The following LINGO2 variants were observed in gnomAD, a reference collection of about 807,000 sequenced individuals.
LINGO2 encodes leucine-rich repeat and immunoglobulin-like domain-containing nogo receptor-interacting protein 2.
Under a neutral mutation model 30.6 loss-of-function variants are expected in LINGO2, and 14 were observed. That is an observed-to-expected ratio of 0.46 (90% CI 0.30 to 0.72). LINGO2 has a LOEUF of 0.72. Ranked by LOEUF, LINGO2 falls within the 30% of genes least tolerant of loss-of-function variation. The pLI, the probability that LINGO2 is intolerant of heterozygous loss-of-function variation, is 0.07. For synonymous variants in LINGO2, 317 were observed against 288.5 expected, an observed-to-expected ratio of 1.10 and a Z score of -1.00; for missense variants, 729 against 751.7, an observed-to-expected ratio of 0.97 and a Z score of 0.35.
rs117293300 is a variant in LINGO2, at chr9:28,286,777, T to C, written c.-87+8431A>G. Among the ~76,000 whole-genome samples the C allele has an allele frequency of 0.016, 2,379 of 151,984 alleles. 142 individuals are homozygous for C. In the East Asian group the frequency reaches 0.19, roughly 12 times the overall value. On this transcript the variant is annotated intron_variant, in intron 4 of 5. Transcript: ENST00000379992. Reference sequence around the variant, plus strand: ...TAAATAATGAGAACAAATGGTCACATAGAGGGAAACAACACATAATGGGGC... The same window carrying C: ...TAAATAATGAGAACAAATGGTCACACAGAGGGAAACAACACATAATGGGGC...
the LINGO2 span, among the ~76,000 whole-genome samples, chr9:29,129,027 T>G: frequency 1.3e-5 from 2 of 152,184 alleles, no homozygotes; most frequent in Non-Finnish European, 2.9e-5. Flanking sequence ...GTTTAATATT[T>G]GCCTTTGCTA....
the LINGO2 span, among the ~76,000 whole-genome samples, chr9:28,968,415 G>C: frequency 6.6e-6 from 1 of 152,120 alleles, no homozygotes; most frequent in Admixed American, 6.6e-5. Context: ...TAAATTGCAA[G>C]CAAGGTTTCT....
intron 4 of LINGO2, among the ~76,000 whole-genome samples, chr9:28,276,002 G>T (rs1823102597): frequency 6.6e-6 from 1 of 152,064 alleles, no homozygotes; most frequent in South Asian, 2.1e-4. Context: ...ACCTCTCTGA[G>T]CTTTAATTTT....
chr9:28,062,644 AATAT>A (rs1204172396), intron 4 of LINGO2, among the ~76,000 whole-genome samples: 2 of 148,038 alleles, frequency 1.4e-5, no homozygotes, highest in South Asian at 2.1e-4. Context: ...TACAAAATCA[AATAT>A]ATATATTTTG....
intron 5 of LINGO2, among the ~76,000 whole-genome samples, chr9:27,998,802 A>G (rs1032880659): frequency 3.9e-5 from 6 of 152,144 alleles, no homozygotes; most frequent in Admixed American, 3.9e-4. Context: ...AAAACAGAAC[A>G]AAACAAAACA....
At chr9:28,430,414 A>G (rs1406291939) in intron 2 of LINGO2, among the ~76,000 whole-genome samples, 3 of 152,144 alleles carry the variant, frequency 2.0e-5, no homozygotes, top group African/African-American at 7.2e-5. Context: ...ATGACAAAGT[A>G]CTTATAATTG....
chr9:28,557,399 C>T (rs1822775956), intron 1 of LINGO2, among the ~76,000 whole-genome samples: 1 of 152,030 alleles, frequency 6.6e-6, no homozygotes, highest in African/African-American at 2.4e-5. Context: ...TGAAAAAATG[C>T]TCATCATCAC....
At chr9:28,272,912 C>A (rs938081774) in intron 4 of LINGO2, among the ~76,000 whole-genome samples, 8 of 152,176 alleles carry the variant, frequency 5.3e-5, no homozygotes, top group Non-Finnish European at 1.0e-4. Context: ...AAATCCCACC[C>A]CTGCTTTAAC....
chr9:28,655,165 A>T (rs1328296793), intron 1 of LINGO2, among the ~76,000 whole-genome samples: 1 of 152,008 alleles, frequency 6.6e-6, no homozygotes, highest in Non-Finnish European at 1.5e-5. Context: ...ATCGTTTTAT[A>T]AGGGACTTCC....
At chr9:27,988,048 T>C (rs1821209745) in intron 5 of LINGO2, among the ~76,000 whole-genome samples, 1 of 152,030 alleles carries the variant, frequency 6.6e-6, no homozygotes, top group South Asian at 2.1e-4. Context: ...TTCCCCTTCC[T>C]GTGTCCAAGT....
chr9:28,933,869 C>T, the LINGO2 span, among the ~76,000 whole-genome samples: 3 of 152,144 alleles, frequency 2.0e-5, no homozygotes, highest in African/African-American at 4.8e-5. Context: ...CTTATAAAAA[C>T]TTTTGGCTTT....
chr9:29,071,704 G>T, the LINGO2 span, among the ~76,000 whole-genome samples: 3 of 151,544 alleles, frequency 2.0e-5, no homozygotes, highest in African/African-American at 7.3e-5. Flanking sequence ...TTGCAAAGGA[G>T]GTTTTTCAAA....
At chr9:29,023,528 C>G in the LINGO2 span, among the ~76,000 whole-genome samples, 1 of 151,756 alleles carries the variant, frequency 6.6e-6, no homozygotes, top group Non-Finnish European at 1.5e-5. Context: ...AAAATTAATC[C>G]TTAATATGGC....
At chr9:28,463,365 C>A (rs1587708036) in intron 2 of LINGO2, among the ~76,000 whole-genome samples, 3 of 151,502 alleles carry the variant, frequency 2.0e-5, no homozygotes, top group African/African-American at 4.8e-5. Context: ...ACACTGGCAC[C>A]AAAAGGCCAA....
At chr9:28,538,118 A>G (rs1017613872) in intron 1 of LINGO2, among the ~76,000 whole-genome samples, 1 of 152,036 alleles carries the variant, frequency 6.6e-6, no homozygotes, top group Non-Finnish European at 1.5e-5. Flanking sequence ...CAAAATAGAT[A>G]TTTTTGTCCA....
At chr9:28,452,415 A>ATAT (rs1370772091) in intron 2 of LINGO2, among the ~76,000 whole-genome samples, 2 of 151,868 alleles carry the variant, frequency 1.3e-5, no homozygotes, top group Non-Finnish European at 2.9e-5. Context: ...GAAACTCTGC[A>ATAT]TATTATGAAG....
At chr9:28,764,097 GGAA>G in the LINGO2 span, among the ~76,000 whole-genome samples, 2 of 150,982 alleles carry the variant, frequency 1.3e-5, no homozygotes, top group African/African-American at 2.4e-5. Flanking sequence ...ACCAAAAATC[GGAA>G]GAAGATTTAA....
chr9:29,148,954 A>C, the LINGO2 span, among the ~76,000 whole-genome samples: 2 of 152,230 alleles, frequency 1.3e-5, no homozygotes, highest in Non-Finnish European at 2.9e-5. Context: ...AAAGTGTTTT[A>C]TGCATAAAAT....
At chr9:28,868,906 A>G in the LINGO2 span, among the ~76,000 whole-genome samples, 120,135 of 151,936 alleles carry the variant, frequency 0.79, 47,574 homozygotes, top group East Asian at 0.89. Flanking sequence ...TGCAATATTT[A>G]AGTGACTATA....
Sources: gnomAD v4.1 joint callset for allele counts (sites outside exome capture counted in the v4.1 genomes callset) on GRCh38, gnomAD v4.1.1 for gene constraint, MANE v1.5 for transcripts, NCBI Gene and HGNC (gene_info 2026-07-23, HGNC 2026-07-21) for gene names.